MROH1: variants seen among roughly 807,000 people sequenced by gnomAD.
MROH1 encodes the protein maestro heat like repeat family member 1.
MROH1 carries 117 observed loss-of-function variants against 116.5 expected under a neutral mutation model. That is an observed-to-expected ratio of 1.00 (90% CI 0.86 to 1.17). The LOEUF is 1.17. Among genes scored for constraint, MROH1 ranks in the 50% most tolerant of loss-of-function variants. MROH1 has a pLI of 0.00. For missense variants in MROH1, 1,873 were observed against 1,338.5 expected (o/e 1.40, Z -6.23); for synonymous variants, 921 against 583.9 (o/e 1.58, Z -8.32).
At chr8:144,192,632 G>A in intron 10 of MROH1, 1 of 686,674 alleles carries the variant, frequency 1.5e-6, no homozygotes, top group Non-Finnish European at 2.7e-6. Flanking sequence ...GATGGAGGTG[G>A]CAGGAGTGGG....
At chr8:144,236,017 A>G (rs1043216258) in intron 14 of MROH1, among the ~76,000 whole-genome samples, 2 of 152,228 alleles carry the variant, frequency 1.3e-5, no homozygotes, top group Non-Finnish European at 2.9e-5. Flanking sequence ...CACCTGATCC[A>G]TGCACTTCCT....
chr8:144,235,072 T>G (rs1366838180), intron 14 of MROH1, among the ~76,000 whole-genome samples: 1 of 151,750 alleles, frequency 6.6e-6, no homozygotes, highest in Admixed American at 6.6e-5. Flanking sequence ...TGTTTTTGTA[T>G]TTTAGTAGAG....
intron 1 of MROH1, among the ~76,000 whole-genome samples, chr8:144,159,757 G>T (rs1023064182): frequency 6.9e-6 from 1 of 144,656 alleles, no homozygotes; most frequent in Non-Finnish European, 1.5e-5. Flanking sequence ...TTCTTTGTAC[G>T]CCTGGTAATT....
rs1455403231 is a variant in MROH1, at chr8:144,250,234, T to G, written c.3296T>G (p.Leu1099Arg). 1 of 767,942 alleles carries G rather than the reference T, an allele frequency of 1.3e-6. No individual in the cohort carries two copies. Among genetic ancestry groups the G allele is most frequent in the Non-Finnish European group, 2.4e-6 (1 of 416,906 alleles). The allele number at this position is 767,942 out of a possible 1,614,324, so 47.6% of individuals were successfully genotyped here. The stretch of plus-strand genomic sequence containing the variant: ...CAGGTGCCCGAGATCGTGAGCGTCC[T>G]GCGCTCCAAGCTTCAGGAGGCCCAG... ...QEKVPEIVSV[L>R]RSKLQEAQGE... is the part of the protein sequence containing the mutation. The change falls in exon 33 of 44, where the codon CTG becomes CGG. Residue 1099 changes from leucine to arginine, a missense_variant. Physicochemically the swap from Leu to Arg is moderately radical, Grantham distance 102. Transcript: ENST00000326134.
intron 29 of MROH1, among the ~76,000 whole-genome samples, chr8:144,247,009 G>A (rs1220128534): frequency 2.0e-5 from 3 of 152,246 alleles, no homozygotes; most frequent in African/African-American, 4.8e-5. Context: ...ACACGCCTGC[G>A]TGCCCACGTC....
intron 41 of MROH1, 36 bp downstream of exon 41, chr8:144,261,077 G>T: frequency 1.3e-6 from 1 of 773,700 alleles, no homozygotes; most frequent in South Asian, 1.3e-5. Flanking sequence ...TGGTGGGTGG[G>T]GCGGGGCCAG....
At chr8:144,154,266 C>T (rs1468115343) in intron 1 of MROH1, among the ~76,000 whole-genome samples, 1 of 152,052 alleles carries the variant, frequency 6.6e-6, no homozygotes, top group Non-Finnish European at 1.5e-5. Context: ...CAAGGTTTTA[C>T]CATGTTGGTC....
intron 14 of MROH1, among the ~76,000 whole-genome samples, chr8:144,226,321 C>T (rs187193463): frequency 1.2e-4 from 18 of 152,160 alleles, no homozygotes; most frequent in South Asian, 2.1e-4. Flanking sequence ...CTTCTCTGTA[C>T]GTTGACAAAT....
intron 37 of MROH1, among the ~76,000 whole-genome samples, 184 bp downstream of exon 37, chr8:144,259,538 C>T (rs1554834510): frequency 6.6e-6 from 1 of 152,230 alleles, no homozygotes; most frequent in East Asian, 1.9e-4. Context: ...GGGACACCCC[C>T]TCTGTGCCTG....
chr8:144,249,802 C>T (rs1334886933), intron 32 of MROH1, among the ~76,000 whole-genome samples: 2 of 152,202 alleles, frequency 1.3e-5, no homozygotes, highest in Non-Finnish European at 2.9e-5. Flanking sequence ...GCCCAGCTCC[C>T]GCAGGAGTGC....
rs60877043 is a variant in MROH1, at chr8:144,229,380, ATTTTTTTT to A, written c.1338+6164_1338+6171del. ...CAGCAATCGATTAATTACCTTATGA[ATTTTTTTT>A]TTTTTTTTTTTTTGGAATAGGGTCT... On this transcript the variant is annotated intron_variant, in intron 14 of 43. Coordinates refer to ENST00000326134, the MANE Select transcript of MROH1 (RefSeq NM_032450.3). Among the ~76,000 whole-genome samples, 74 of 108,894 alleles carry A rather than the reference ATTTTTTTT, an allele frequency of 6.8e-4. 1 individual carries two copies. The highest frequency in any genetic ancestry group is 1.0e-3 in the Non-Finnish European group (53 of 50,866). The allele number at this position is 108,894 out of a possible 152,430, so 71.4% of individuals were successfully genotyped here. A position where few individuals can be genotyped will look rare whatever the true frequency, so the allele number is the denominator to read the frequency against.
chr8:144,211,377 AAG>A (rs1169886358), intron 12 of MROH1, among the ~76,000 whole-genome samples: 6 of 152,216 alleles, frequency 3.9e-5, no homozygotes, highest in African/African-American at 1.4e-4. Context: ...CACCTTGACA[AAG>A]AGATACTTGC....
chr8:144,249,679 A>G (rs2133136315), intron 32 of MROH1, among the ~76,000 whole-genome samples: 1 of 148,540 alleles, frequency 6.7e-6, no homozygotes, highest in Non-Finnish European at 1.5e-5. Flanking sequence ...TTTCTGGAGC[A>G]GCAGGACAGT....
Position 144,261,268 on chromosome 8 carries a change from T to G in MROH1, c.4775-16T>G. On this transcript the variant is annotated splice_polypyrimidine_tract_variant and intron_variant, in intron 42 of 43. Transcript: ENST00000326134. ...CACGCCGCCCGGCAGCCCCGCCTGA[T>G]GCCCCCACTTCACAGGGTTCCTGGT... The G allele has an allele frequency of 1.3e-6, 1 of 747,582 alleles. No homozygotes were observed. The highest frequency in any genetic ancestry group is 2.4e-6 in the Non-Finnish European group (1 of 410,546). 46.3% of individuals were successfully genotyped at this position (747,582 alleles called of 1,614,324 possible). A position where few individuals can be genotyped will look rare whatever the true frequency, so the allele number is the denominator to read the frequency against.
intron 7 of MROH1, among the ~76,000 whole-genome samples, chr8:144,190,159 C>T (rs1314878662): frequency 6.6e-6 from 1 of 152,194 alleles, no homozygotes; most frequent in African/African-American, 2.4e-5. Context: ...TTCCTCCTGC[C>T]TCTGCATCTC....
intron 3 of MROH1, among the ~76,000 whole-genome samples, chr8:144,167,425 C>T (rs1194223512): frequency 8.2e-5 from 9 of 109,864 alleles, no homozygotes; most frequent in East Asian, 7.3e-4. Flanking sequence ...GTGGAGTGGC[C>T]GGTTGTTGGG....
chr8:144,195,217 A>AAAAAAAAAAAAAAAAAAAAAAAC (rs1175557751), intron 10 of MROH1, among the ~76,000 whole-genome samples: 1 of 141,140 alleles, frequency 7.1e-6, no homozygotes, highest in East Asian at 2.1e-4. Flanking sequence ...AAAAAAAAAA[A>AAAAAAAAAAAAAAAAAAAAAAAC]AAGGCCGAGT....
intron 14 of MROH1, among the ~76,000 whole-genome samples, chr8:144,231,213 T>C (rs1838816922): frequency 1.3e-5 from 2 of 151,508 alleles, no homozygotes; most frequent in African/African-American, 4.9e-5. Context: ...TACTTCTTTC[T>C]ACACAGACAC....
At position 144,249,021 on chromosome 8, in the gene MROH1, CAGGAGAAGGT is replaced by C. The variant is rs1392038349; in HGVS notation, c.3266_3273+2del. ...GCTGCAGGAGCGGGGCGGTGTGCTCCAGGAGAAGGTGGGAGAGGGCGGGGCGCGGGGGGTG... is the reference window on the plus strand; with the variant it reads ...GCTGCAGGAGCGGGGCGGTGTGCTCCGGGAGAGGGCGGGGCGCGGGGGGTG... On this transcript the variant is annotated splice_donor_variant and coding_sequence_variant, in exon 32 of 44. Coordinates refer to ENST00000326134, the MANE Select transcript of MROH1 (RefSeq NM_032450.3). LOFTEE classifies it high-confidence loss of function. The C allele has an allele frequency of 5.6e-6, 4 of 717,360 alleles. No homozygotes were observed. Among genetic ancestry groups the C allele is most frequent in the Non-Finnish European group, 1.0e-5 (4 of 384,924 alleles). The allele number at this position is 717,360 out of a possible 1,614,324, so 44.4% of individuals were successfully genotyped here. A position where few individuals can be genotyped will look rare whatever the true frequency, so the allele number is the denominator to read the frequency against.
Sources: gnomAD v4.1 joint callset for allele counts (sites outside exome capture counted in the v4.1 genomes callset) on GRCh38, gnomAD v4.1.1 for gene constraint, MANE v1.5 for transcripts, NCBI Gene and HGNC (gene_info 2026-07-23, HGNC 2026-07-21) for gene names.